The following SENP7 variants were observed in gnomAD, a reference collection of about 807,000 sequenced individuals.
SENP7 encodes the protein sentrin-specific protease 7.
A neutral mutation model predicts 141.2 loss-of-function variants in SENP7; 64 were observed. That is an observed-to-expected ratio of 0.45 (90% CI 0.37 to 0.56). SENP7 has a LOEUF of 0.56. Ranked by LOEUF, SENP7 falls within the 20% of genes least tolerant of loss-of-function variation. SENP7 has a pLI of 0.00. For missense variants in SENP7, 1,025 were observed against 1,212.2 expected (o/e 0.85, Z 2.29); for synonymous variants, 382 against 426.4 (o/e 0.90, Z 1.28).
chr3:101,427,696 T>A (rs919587585), intron 4 of SENP7, among the ~76,000 whole-genome samples: 9 of 152,052 alleles, frequency 5.9e-5, no homozygotes, highest in African/African-American at 1.9e-4. Flanking sequence ...CAAATAAATT[T>A]TTTATTTATT....
intron 4 of SENP7, among the ~76,000 whole-genome samples, chr3:101,433,666 A>T (rs1168664399): frequency 6.6e-6 from 1 of 152,202 alleles, no homozygotes; most frequent in Non-Finnish European, 1.5e-5. Flanking sequence ...TGATAAGAAG[A>T]GACAAATGGG....
intron 3 of SENP7, among the ~76,000 whole-genome samples, chr3:101,467,349 T>C (rs1431021879): frequency 6.6e-6 from 1 of 152,256 alleles, no homozygotes; most frequent in Non-Finnish European, 1.5e-5. Flanking sequence ...AGCACAGCGT[T>C]TGAGCTTTGA....
chr3:101,427,492 A>AAAC (rs1308419665), intron 4 of SENP7, among the ~76,000 whole-genome samples: 1 of 131,962 alleles, frequency 7.6e-6, no homozygotes, highest in South Asian at 2.3e-4. Context: ...ACTGTCTCCA[A>AAAC]AAAAAAAAAA....
intron 2 of SENP7, among the ~76,000 whole-genome samples, chr3:101,500,541 T>G (rs9810227): frequency 0.013 from 2,019 of 152,186 alleles, 11 homozygotes; most frequent in Non-Finnish European, 0.023. Context: ...AGACCCTGTC[T>G]CTTAAAAAAA....
intron 5 of SENP7, 96 bp from the exon 6 acceptor site, chr3:101,399,151 A>G (rs2061059653): frequency 1.4e-6 from 1 of 713,294 alleles, no homozygotes; most frequent in Non-Finnish European, 2.1e-6. Context: ...TTGCCATCTT[A>G]GCACAAGAAA....
intron 8 of SENP7, among the ~76,000 whole-genome samples, chr3:101,367,122 G>A (rs1276432121): frequency 6.6e-6 from 1 of 151,948 alleles, no homozygotes; most frequent in African/African-American, 2.4e-5. Context: ...GACTACTTTG[G>A]TAAAACTACT....
intron 12 of SENP7, among the ~76,000 whole-genome samples, chr3:101,351,304 C>G (rs138680435): frequency 6.6e-5 from 10 of 152,068 alleles, no homozygotes; most frequent in African/African-American, 1.7e-4. Flanking sequence ...CAATATTAAA[C>G]ATTTTCCTTA....
intron 1 of SENP7, among the ~76,000 whole-genome samples, chr3:101,504,934 G>A (rs1016158489): frequency 4.6e-5 from 7 of 152,034 alleles, no homozygotes; most frequent in Non-Finnish European, 7.4e-5. Flanking sequence ...TGGGAAAATC[G>A]CTTGAGCCCA....
chr3:101,362,101 C>T (rs2059918252), intron 10 of SENP7, among the ~76,000 whole-genome samples: 1 of 152,084 alleles, frequency 6.6e-6, no homozygotes. Flanking sequence ...GCCTAAGCTC[C>T]AGAAATATAT....
At chr3:101,392,859 C>G (rs2060854163) in intron 6 of SENP7, among the ~76,000 whole-genome samples, 1 of 152,154 alleles carries the variant, frequency 6.6e-6, no homozygotes, top group African/African-American at 2.4e-5. Context: ...TGGTACACAT[C>G]TGTAGTCCCA....
chr3:101,418,695 C>G (rs540616486), intron 4 of SENP7, among the ~76,000 whole-genome samples: 2 of 143,192 alleles, frequency 1.4e-5, no homozygotes, highest in Non-Finnish European at 3.1e-5. Context: ...AAAAAAAAAA[C>G]CACTTGTTTG....
At chr3:101,410,598 G>A (rs1206095149) in intron 5 of SENP7, among the ~76,000 whole-genome samples, 2 of 152,144 alleles carry the variant, frequency 1.3e-5, no homozygotes. Flanking sequence ...TGTAATCCCA[G>A]CACTTTGGGA....
chr3:101,449,984 C>T (rs571431428), intron 4 of SENP7, among the ~76,000 whole-genome samples: 39 of 152,254 alleles, frequency 2.6e-4, no homozygotes, highest in African/African-American at 8.4e-4. Flanking sequence ...CGTGCAGAGA[C>T]ACACATAGGC....
intron 17 of SENP7, among the ~76,000 whole-genome samples, chr3:101,335,017 T>C (rs933482526): frequency 6.6e-6 from 1 of 152,066 alleles, no homozygotes; most frequent in Non-Finnish European, 1.5e-5. Context: ...GAGTGGAAAA[T>C]AAGACAGATA....
intron 3 of SENP7, among the ~76,000 whole-genome samples, chr3:101,477,054 A>G (rs10936645): frequency 0.4 from 60,340 of 151,942 alleles, 12,496 homozygotes; most frequent in Admixed American, 0.54. Context: ...TAGGTTGCCT[A>G]TTCACTCTGA....
At chr3:101,339,056 A>G (rs556631444) in intron 16 of SENP7, among the ~76,000 whole-genome samples, 4 of 152,364 alleles carry the variant, frequency 2.6e-5, no homozygotes, top group African/African-American at 9.6e-5. Context: ...TGTTAGAATT[A>G]GCAGAAAATA....
intron 3 of SENP7, among the ~76,000 whole-genome samples, chr3:101,462,141 A>G (rs902928200): frequency 2.0e-5 from 3 of 152,266 alleles, no homozygotes; most frequent in Non-Finnish European, 4.4e-5. Context: ...AAATGCCACT[A>G]AATTGAATGC....
chr3:101,430,992 G>A (rs1308071226), intron 4 of SENP7, among the ~76,000 whole-genome samples: 2 of 152,178 alleles, frequency 1.3e-5, no homozygotes, highest in Non-Finnish European at 2.9e-5. Flanking sequence ...TGTGCAGTAT[G>A]AGCGGGTTTC....
At chr3:101,444,861 G>A (rs1442608856) in intron 4 of SENP7, among the ~76,000 whole-genome samples, 1 of 151,722 alleles carries the variant, frequency 6.6e-6, no homozygotes, top group Non-Finnish European at 1.5e-5. Flanking sequence ...CCTGCACATT[G>A]TGCACATGTA....
Sources: allele counts gnomAD v4.1 joint callset (sites outside exome capture counted in the v4.1 genomes callset), GRCh38; gene constraint gnomAD v4.1.1; transcripts MANE v1.5; gene names NCBI Gene and HGNC (gene_info 2026-07-23, HGNC 2026-07-21).